Variants in PLA2G7 observed in about 807,000 individuals in gnomAD.
PLA2G7 encodes platelet-activating factor acetylhydrolase.
Under a neutral mutation model 49.6 loss-of-function variants are expected in PLA2G7, and 63 were observed. The ratio of observed to expected loss-of-function variants is 1.27; its 90% CI spans 1.04 to 1.57. The LOEUF (loss-of-function observed/expected upper bound fraction) is 1.57, where lower values mean the gene tolerates loss of function less well. Ranked by LOEUF, PLA2G7 falls within the 40% of genes most tolerant of loss-of-function variation. PLA2G7 has a pLI of 0.00. For synonymous variants in PLA2G7, 193 were observed against 169.9 expected, an observed-to-expected ratio of 1.14 and a Z score of -1.06; for missense variants, 596 against 521.2, an observed-to-expected ratio of 1.14 and a Z score of -1.40.
At chr6:46,725,956 G>A (rs958473642) in intron 1 of PLA2G7, among the ~76,000 whole-genome samples, 1 of 152,180 alleles carries the variant, frequency 6.6e-6, no homozygotes, top group African/African-American at 2.4e-5. Flanking sequence ...AAGATACAGG[G>A]GAAACTGTCT....
chr6:46,729,221 A>G (rs1765659915), intron 1 of PLA2G7, among the ~76,000 whole-genome samples: 1 of 152,150 alleles, frequency 6.6e-6, no homozygotes, highest in South Asian at 2.1e-4. Context: ...CTCCAGGAGG[A>G]TGCAGTATTA....
Position 46,704,678 on chromosome 6 carries a change from TC to T in PLA2G7, c.1207del (p.Asp403IlefsTer6). ...TCCTTCAATCAAGCAGTCCCACTGA[TC>T]AAAATCTTTATGAAGTCCTATAAAA... ...QKHLGLHKDF[D>X]QWDCLIEGDD... On this transcript the variant is annotated frameshift_variant, in exon 12 of 12. Transcript: ENST00000274793. LOFTEE classifies it low-confidence loss of function (END_TRUNC). 1 of 1,580,006 alleles carries T rather than the reference TC, an allele frequency of 6.3e-7. No individual in the cohort carries two copies. The highest frequency in any genetic ancestry group is 1.1e-5 in the South Asian group (1 of 90,496).
chr6:46,716,413 A>G lies in PLA2G7; in HGVS notation c.347T>C (p.Leu116Pro), dbSNP rs1053442004. ...GLSKFLGTHW[L>P]MGNILRLLFG... ...GAGTAACCTCAAAATGTTGCCCATA[A>G]GCCAGTGTGTTCCAAGAAATTTGCT... The change falls in exon 4 of 12, where the codon CTT becomes CCT. Residue 116 changes from leucine (L) to proline (P), a missense_variant. Leu to Pro is a moderately conservative substitution (Grantham distance 98). Transcript: ENST00000274793. 2 of 1,614,142 alleles carry G rather than the reference A, an allele frequency of 1.2e-6. No individual in the cohort carries two copies. The highest frequency in any genetic ancestry group is 2.2e-5 in the South Asian group (2 of 91,074).
At position 46,732,093 on chromosome 6, in the gene PLA2G7, G is replaced by T. The variant is rs1765751326; in HGVS notation, c.-35+3087C>A. On this transcript the variant is annotated intron_variant, in intron 1 of 11. Transcript: ENST00000274793. ...GAGTAAAATCCAAATGTTTCCCTTG[G>T]CCTATGAGGGTCTTCCTGACCTGGC... Among the ~76,000 whole-genome samples the T allele has an allele frequency of 2.0e-5, 3 of 151,974 alleles. No homozygotes were observed. In the South Asian group the frequency reaches 6.2e-4, roughly 32 times the overall value.
At chr6:46,712,163 T>C (rs1442890414) in intron 6 of PLA2G7, 106 bp downstream of exon 6, 3 of 779,888 alleles carry the variant, frequency 3.8e-6, no homozygotes, top group Non-Finnish European at 6.7e-6. Flanking sequence ...TACTTGAAAG[T>C]TCCATCAACA....
chr6:46,718,807 A>G (rs952787394), intron 2 of PLA2G7, among the ~76,000 whole-genome samples: 2 of 152,186 alleles, frequency 1.3e-5, no homozygotes, highest in East Asian at 1.9e-4. Context: ...ATGTGTCTGC[A>G]TGCTACACTA....
At chr6:46,718,581 T>C (rs1236732876) in intron 2 of PLA2G7, among the ~76,000 whole-genome samples, 1 of 152,230 alleles carries the variant, frequency 6.6e-6, no homozygotes, top group Non-Finnish European at 1.5e-5. Context: ...GGCTGGTTGA[T>C]GCCACTGCAC....
chr6:46,716,423 T>C lies in PLA2G7; in HGVS notation c.337A>G (p.Thr113Ala). 3 of 1,614,104 alleles carry C rather than the reference T, an allele frequency of 1.9e-6. No homozygotes were observed. The highest frequency in any genetic ancestry group is 2.5e-6 in the Non-Finnish European group (3 of 1,179,996). Residue 113 changes from threonine to alanine, a missense_variant, in exon 4 of 12, where the codon ACA (threonine) becomes GCA (alanine). Thr to Ala is a moderately conservative substitution (Grantham distance 58). Transcript: ENST00000274793. ...YFWGLSKFLG[T>A]HWLMGNILRL... Reference sequence around the variant, plus strand: ...AAAATGTTGCCCATAAGCCAGTGTGTTCCAAGAAATTTGCTAAGACCCCAA... The same window carrying C: ...AAAATGTTGCCCATAAGCCAGTGTGCTCCAAGAAATTTGCTAAGACCCCAA...
chr6:46,717,201 C>A, intron 2 of PLA2G7, 105 bp from the exon 3 acceptor site: 1 of 1,064,768 alleles, frequency 9.4e-7, no homozygotes, highest in Non-Finnish European at 1.5e-6. Flanking sequence ...AGTTTCTGGC[C>A]TTCTTTCTTT....
In PLA2G7 at chr6:46,704,326, A is replaced by G. The variant is rs1002629522; in HGVS notation, c.*234T>C. ...AAATTTAGGCTGATATGAATATTGT[A>G]TACTGTATTCTTTCTTTACATCTAA... On this transcript the variant is annotated 3_prime_UTR_variant, in exon 12 of 12. Transcript: ENST00000274793. 2 of 510,546 alleles carry G rather than the reference A, an allele frequency of 3.9e-6. No individual in the cohort carries two copies. The highest frequency in any genetic ancestry group is 6.4e-5 in the Admixed American group (2 of 31,112). 31.6% of individuals were successfully genotyped at this position (510,546 alleles called of 1,614,324 possible).
chr6:46,717,099 GA>G lies in PLA2G7; in HGVS notation c.110-4del. 1.9e-6 allele frequency: 3 copies of G among 1,612,200 alleles called. No homozygotes were observed. Among genetic ancestry groups the G allele is most frequent in the East Asian group, 2.2e-5 (1 of 44,862 alleles). ...TACTTGTATTTTGTTGACCCATGCT[GA>G]AAAACAGGTAAATATTATCTCATTT... On this transcript the variant is annotated splice_polypyrimidine_tract_variant and splice_region_variant and intron_variant, in intron 2 of 11. Transcript: ENST00000274793.
chr6:46,712,809 T>C (rs1296924326), intron 5 of PLA2G7, among the ~76,000 whole-genome samples: 1 of 152,156 alleles, frequency 6.6e-6, no homozygotes. Context: ...GAGTAAAGCA[T>C]TTGTTTTAGG....
intron 1 of PLA2G7, among the ~76,000 whole-genome samples, chr6:46,728,358 A>AAGGATGCTTAAC (rs372186455): frequency 6.6e-6 from 1 of 152,186 alleles, no homozygotes; most frequent in Admixed American, 6.5e-5. Context: ...GGATGCTGTT[A>AAGGATGCTTAAC]AGCATCCTGT....
Position 46,704,557 on chromosome 6 carries a change from A to G in PLA2G7, c.*3T>C, listed in dbSNP as rs1764732389. 3.8e-6 allele frequency: 6 copies of G among 1,569,854 alleles called. No homozygotes were observed. Among genetic ancestry groups the G allele is most frequent in the Non-Finnish European group, 5.3e-6 (6 of 1,140,766 alleles). ...CAAGACTTTTAAAAAACCTATTTTA[A>G]TCCTAATTGTATTTCTCTATTCCTG... On this transcript the variant is annotated 3_prime_UTR_variant, in exon 12 of 12. Coordinates refer to ENST00000274793, the MANE Select transcript of PLA2G7 (RefSeq NM_005084.4).
At position 46,710,539 on chromosome 6, in the gene PLA2G7, G is replaced by A; in HGVS notation, c.777+6C>T. ...GACAAGAGAAAAATTACTTTTTATA[G>A]CTTACCTTCAGTTGTTCCATATCAA... On this transcript the variant is annotated splice_donor_region_variant and intron_variant, in intron 8 of 11. Coordinates refer to ENST00000274793, the MANE Select transcript of PLA2G7 (RefSeq NM_005084.4). 6.5e-7 allele frequency: 1 copy of A among 1,533,184 alleles called. No homozygotes were observed. The highest frequency in any genetic ancestry group is 1.1e-5 in the South Asian group (1 of 89,578). The allele number at this position is 1,533,184 out of a possible 1,614,324, so 95.0% of individuals were successfully genotyped here.
intron 8 of PLA2G7, 77 bp from the exon 9 acceptor site, chr6:46,709,495 GTTC>G: frequency 1.2e-6 from 1 of 839,932 alleles, no homozygotes; most frequent in Non-Finnish European, 2.1e-6. Context: ...TCATATAATT[GTTC>G]ATTTCATGGG....
rs45479495 is a variant in PLA2G7, at chr6:46,723,024, A to G, written c.-34-99T>C. ...AGGCTGAGGTACTAGTAACACTTGG[A>G]AAAAATAAAACATGTATTTTCTGTG... On this transcript the variant is annotated intron_variant, in intron 1 of 11. Transcript: ENST00000274793. 5.3e-4 allele frequency: 358 copies of G among 681,408 alleles called. 1 individual carries two copies. The African/African-American group carries it at 5.7e-3, about 11-fold the overall frequency. 42.2% of individuals were successfully genotyped at this position (681,408 alleles called of 1,614,324 possible).
At chr6:46,723,025 A>C (rs564113594) in intron 1 of PLA2G7, 100 bp from the exon 2 acceptor site, 1 of 681,434 alleles carries the variant, frequency 1.5e-6, no homozygotes, top group African/African-American at 1.8e-5. Flanking sequence ...AACACTTGGA[A>C]AAAATAAAAC....
chr6:46,704,791 C>G, intron 11 of PLA2G7, 95 bp from the exon 12 acceptor site: 1 of 788,488 alleles, frequency 1.3e-6, no homozygotes, highest in Non-Finnish European at 2.2e-6. Flanking sequence ...ACAAATTACA[C>G]AAGTTCCGTT....
Sources: gnomAD v4.1 joint callset for allele counts (sites outside exome capture counted in the v4.1 genomes callset) on GRCh38, gnomAD v4.1.1 for gene constraint, MANE v1.5 for transcripts, NCBI Gene and HGNC (gene_info 2026-07-23, HGNC 2026-07-21) for gene names.